FBXO4: variants seen among roughly 807,000 people sequenced by gnomAD.
FBXO4 encodes the protein F-box only protein 4.
Under a neutral mutation model 43.7 loss-of-function variants are expected in FBXO4, and 36 were observed. The observed-to-expected ratio is 0.82, with a 90% CI of 0.63 to 1.09. FBXO4 has a LOEUF of 1.09. FBXO4 is among the 50% of genes least tolerant of loss of function. The probability of loss-of-function intolerance (pLI) is 0.00; values close to 1 mark genes in which losing one functional copy is unlikely to be tolerated. For synonymous variants in FBXO4, 180 were observed against 165.6 expected, an observed-to-expected ratio of 1.09 and a Z score of -0.67; for missense variants, 435 against 474.1, an observed-to-expected ratio of 0.92 and a Z score of 0.77.
chr5:41,926,955 C>T, intron 1 of FBXO4, 58 bp from the exon 2 acceptor site: 1 of 1,042,032 alleles, frequency 9.6e-7, no homozygotes, highest in Non-Finnish European at 1.4e-6. Context: ...TGTGGTTTAT[C>T]ACCCAAAAAC....
At chr5:41,970,152 G>T in the FBXO4 span, among the ~76,000 whole-genome samples, 1 of 152,096 alleles carries the variant, frequency 6.6e-6, no homozygotes, top group East Asian at 1.9e-4. Context: ...AAAATATTGA[G>T]AATTTGGTTC....
At chr5:42,022,501 C>A in the FBXO4 span, among the ~76,000 whole-genome samples, 2 of 151,988 alleles carry the variant, frequency 1.3e-5, no homozygotes, top group Admixed American at 1.3e-4. Flanking sequence ...ATTCTGATGT[C>A]CTGTTTTTCT....
chr5:41,927,205 A>G lies in FBXO4; in HGVS notation c.382A>G (p.Ile128Val), dbSNP rs369814713. ...LPDLEILKKP[I>V]SEVTDGAFFD... is the part of the protein sequence containing the mutation. ...AGATCTAGAAATCTTAAAAAAGCCT[A>G]TATCTGAGGTCACTGATGGTGCATT... Residue 128 changes from isoleucine to valine, a missense_variant, in exon 2 of 7, where the codon ATA becomes GTA. Transcript: ENST00000281623. 9 of 1,611,932 alleles carry G rather than the reference A, an allele frequency of 5.6e-6. No individual in the cohort carries two copies. The highest frequency in any genetic ancestry group is 2.7e-5 in the African/African-American group (2 of 74,658).
At chr5:42,002,736 C>A in the FBXO4 span, among the ~76,000 whole-genome samples, 1 of 152,128 alleles carries the variant, frequency 6.6e-6, no homozygotes, top group African/African-American at 2.4e-5. Context: ...TTATCTATGT[C>A]TTCAATGTTG....
downstream of FBXO4, among the ~76,000 whole-genome samples, chr5:41,944,206 G>A (rs1053142294): frequency 6.6e-6 from 1 of 152,130 alleles, no homozygotes; most frequent in Admixed American, 6.5e-5. Context: ...AAATCAAATG[G>A]AAGTTCTTAT....
At chr5:41,934,812 A>G (rs946896304) in intron 5 of FBXO4, 21 of 990,346 alleles carry the variant, frequency 2.1e-5, no homozygotes, top group Non-Finnish European at 2.5e-5. Context: ...CACTATTCAT[A>G]TATTCTGAAT....
the FBXO4 span, among the ~76,000 whole-genome samples, chr5:41,987,992 C>T: frequency 3.9e-5 from 6 of 152,144 alleles, no homozygotes; most frequent in African/African-American, 1.4e-4. Flanking sequence ...TTGATGCTTA[C>T]TCTGGCTCTT....
chr5:41,997,696 T>C, the FBXO4 span, among the ~76,000 whole-genome samples: 1 of 152,188 alleles, frequency 6.6e-6, no homozygotes, highest in East Asian at 1.9e-4. Context: ...TTTTAGGGTC[T>C]CCTGGAATGA....
At chr5:41,985,781 T>C in the FBXO4 span, among the ~76,000 whole-genome samples, 4 of 152,138 alleles carry the variant, frequency 2.6e-5, no homozygotes, top group African/African-American at 9.7e-5. Flanking sequence ...GAGCTTAACA[T>C]CATAAGCTTT....
chr5:41,997,356 A>G, the FBXO4 span, among the ~76,000 whole-genome samples: 1 of 152,138 alleles, frequency 6.6e-6, no homozygotes, highest in African/African-American at 2.4e-5. Flanking sequence ...GTGCCTTTCA[A>G]GTTCTTGATG....
At chr5:42,026,035 T>A in the FBXO4 span, among the ~76,000 whole-genome samples, 2 of 152,026 alleles carry the variant, frequency 1.3e-5, no homozygotes, top group Non-Finnish European at 2.9e-5. Flanking sequence ...CTTTTGTGGT[T>A]CCATATAAAT....
At chr5:41,926,880 T>C in intron 1 of FBXO4, 133 bp from the exon 2 acceptor site, 1 of 541,432 alleles carries the variant, frequency 1.8e-6, no homozygotes, top group Non-Finnish European at 3.2e-6. Flanking sequence ...GATTTAATTA[T>C]TAATGGTAGA....
chr5:42,027,155 C>A, the FBXO4 span, among the ~76,000 whole-genome samples: 1 of 151,804 alleles, frequency 6.6e-6, no homozygotes, highest in South Asian at 2.1e-4. Flanking sequence ...TGGTAGAATT[C>A]AACAGTGAAA....
the FBXO4 span, among the ~76,000 whole-genome samples, chr5:42,013,614 A>G: frequency 3.9e-5 from 6 of 152,124 alleles, no homozygotes; most frequent in East Asian, 1.9e-4. Flanking sequence ...TCTCACTTCT[A>G]TTTCTCCAAT....
chr5:41,930,115 A>G (rs1219261950), intron 3 of FBXO4, 198 bp downstream of exon 3: 3 of 540,986 alleles, frequency 5.5e-6, no homozygotes. Context: ...AATTCCTCAA[A>G]TTTGTACAAT....
At chr5:41,973,878 G>T in the FBXO4 span, among the ~76,000 whole-genome samples, 1 of 152,022 alleles carries the variant, frequency 6.6e-6, no homozygotes, top group Non-Finnish European at 1.5e-5. Flanking sequence ...TTAAACTTCT[G>T]CCTGAAAAAT....
At chr5:41,984,935 T>C in the FBXO4 span, among the ~76,000 whole-genome samples, 1 of 152,212 alleles carries the variant, frequency 6.6e-6, no homozygotes, top group Non-Finnish European at 1.5e-5. Flanking sequence ...TTGCTGTCAG[T>C]ACACAACTTC....
chr5:42,019,596 C>A, the FBXO4 span, among the ~76,000 whole-genome samples: 1 of 151,042 alleles, frequency 6.6e-6, no homozygotes, highest in South Asian at 2.1e-4. Context: ...GTTGAGACAG[C>A]AGAATTGCTT....
the FBXO4 span, among the ~76,000 whole-genome samples, chr5:42,033,287 C>T: frequency 3.3e-5 from 5 of 152,138 alleles, no homozygotes; most frequent in Non-Finnish European, 7.4e-5. Flanking sequence ...CAGTTCAACA[C>T]TAGGAGTCAC....
Sources: gnomAD v4.1 joint callset for allele counts (sites outside exome capture counted in the v4.1 genomes callset) on GRCh38, gnomAD v4.1.1 for gene constraint, MANE v1.5 for transcripts, NCBI Gene and HGNC (gene_info 2026-07-23, HGNC 2026-07-21) for gene names.